SGCG: variants seen among roughly 807,000 people sequenced by gnomAD.
The protein encoded by SGCG is sarcoglycan gamma.
Under a neutral mutation model 29.3 loss-of-function variants are expected in SGCG, and 26 were observed. That is an observed-to-expected ratio of 0.89 (90% CI 0.65 to 1.23). SGCG has a LOEUF of 1.23. Among genes scored for constraint, SGCG ranks in the 50% most tolerant of loss-of-function variants. The pLI is 0.00. For synonymous variants in SGCG, 145 were observed against 129.7 expected, an observed-to-expected ratio of 1.12 and a Z score of -0.80; for missense variants, 353 against 356.0, an observed-to-expected ratio of 0.99 and a Z score of 0.07.
At chr13:23,241,319 C>A (rs1014197404) in intron 3 of SGCG, among the ~76,000 whole-genome samples, 21 of 148,904 alleles carry the variant, frequency 1.4e-4, no homozygotes, top group Middle Eastern at 3.4e-3. Flanking sequence ...AAAACATCAT[C>A]ATTAGAGGCT....
At chr13:23,286,199 G>A (rs2137628924) in intron 5 of SGCG, among the ~76,000 whole-genome samples, 1 of 152,266 alleles carries the variant, frequency 6.6e-6, no homozygotes. Context: ...AAGATCTGTA[G>A]CCACTGGTCT....
chr13:23,324,152 C>T (rs1244854324), intron 7 of SGCG, among the ~76,000 whole-genome samples: 2 of 152,178 alleles, frequency 1.3e-5, no homozygotes, highest in Non-Finnish European at 2.9e-5. Context: ...CGCCTCCCTC[C>T]AATGTGGAAG....
At chr13:23,266,105 A>G (rs1880629212) in intron 4 of SGCG, among the ~76,000 whole-genome samples, 1 of 151,924 alleles carries the variant, frequency 6.6e-6, no homozygotes, top group Non-Finnish European at 1.5e-5. Context: ...TTGAAACCCC[A>G]TCTCTACCAA....
intron 2 of SGCG, among the ~76,000 whole-genome samples, chr13:23,229,024 C>G (rs983289946): frequency 6.6e-6 from 1 of 152,180 alleles, no homozygotes; most frequent in Non-Finnish European, 1.5e-5. Context: ...CATGCGCCAC[C>G]ACACCCAACT....
At chr13:23,264,545 A>T (rs1179674916) in intron 4 of SGCG, among the ~76,000 whole-genome samples, 1 of 152,212 alleles carries the variant, frequency 6.6e-6, no homozygotes, top group Non-Finnish European at 1.5e-5. Context: ...TTAAAATACC[A>T]GCATCATTCT....
chr13:23,242,113 C>T (rs1239698187), intron 3 of SGCG, among the ~76,000 whole-genome samples: 1 of 152,136 alleles, frequency 6.6e-6, no homozygotes, highest in African/African-American at 2.4e-5. Flanking sequence ...ATCCCACAGA[C>T]ATTCAAAGAA....
intron 3 of SGCG, chr13:23,245,905 C>G (rs996166694): frequency 6.6e-6 from 1 of 152,324 alleles, no homozygotes; most frequent in African/African-American, 2.4e-5. Flanking sequence ...GCCATTCTCA[C>G]TGTGTCTTCC....
rs184923774 is a variant in SGCG at position 23,249,257 on chromosome 13, A to C, written c.298-1373A>C. The stretch of plus-strand genomic sequence containing the variant: ...ATCAGAGTTGTGAAGGTAGCCAGTA[A>C]TCTAGAAATTCAGTTTACTCTTAGT... On this transcript the variant is annotated intron_variant, in intron 3 of 7. Transcript: ENST00000218867. 1.9e-3 allele frequency among the ~76,000 whole-genome samples: 295 copies of C among 152,272 alleles called. 1 individual carries two copies. Among genetic ancestry groups the C allele is most frequent in the African/African-American group, 6.9e-3 (285 of 41,548 alleles).
At position 23,324,892 on chromosome 13, in the gene SGCG, C is replaced by T. The variant is rs946810360; in HGVS notation, c.*351C>T. 13 of 363,732 alleles carry T rather than the reference C, an allele frequency of 3.6e-5. No homozygotes were observed. The highest frequency in any genetic ancestry group is 7.5e-5 in the Admixed American group (2 of 26,664). 22.5% of individuals were successfully genotyped at this position (363,732 alleles called of 1,614,324 possible). A position where few individuals can be genotyped will look rare whatever the true frequency, so the allele number is the denominator to read the frequency against. ...TGCCGTGTGGAGTTAATGTATGACG[C>T]TCCACTGTGGATATCTAATGCCCTG... On this transcript the variant is annotated 3_prime_UTR_variant, in exon 8 of 8. Transcript: ENST00000218867.
chr13:23,175,307 AAAG>A, the SGCG span, among the ~76,000 whole-genome samples: 5 of 152,174 alleles, frequency 3.3e-5, no homozygotes, highest in Non-Finnish European at 7.3e-5. Flanking sequence ...GTAGTGGGGA[AAAG>A]AAGAGATTTT....
At chr13:23,266,826 C>T (rs1161427175) in intron 4 of SGCG, among the ~76,000 whole-genome samples, 1 of 152,144 alleles carries the variant, frequency 6.6e-6, no homozygotes, top group African/African-American at 2.4e-5. Flanking sequence ...TTCCTGAGGC[C>T]GTCACCAGAA....
intron 6 of SGCG, among the ~76,000 whole-genome samples, chr13:23,297,191 C>A (rs567886110): frequency 6.6e-6 from 1 of 151,392 alleles, no homozygotes; most frequent in South Asian, 2.1e-4. Flanking sequence ...ATGTTAAAAG[C>A]ATTTTGTAAA....
At chr13:23,199,062 C>T (rs1205008311) in intron 1 of SGCG, among the ~76,000 whole-genome samples, 3 of 144,104 alleles carry the variant, frequency 2.1e-5, no homozygotes, top group East Asian at 4.1e-4. Flanking sequence ...GAGCCGAGAT[C>T]GTGCCACTGC....
intron 2 of SGCG, among the ~76,000 whole-genome samples, chr13:23,209,187 G>A (rs1054752257): frequency 3.9e-5 from 6 of 152,020 alleles, no homozygotes; most frequent in South Asian, 2.1e-4. Flanking sequence ...AAAATACTTC[G>A]TTGATAAGTA....
rs552921492 is a variant in SGCG, at chr13:23,251,465, A to G, written c.385+748A>G. Among the ~76,000 whole-genome samples, 17 of 152,280 alleles carry G rather than the reference A, an allele frequency of 1.1e-4. No homozygotes were observed. In the South Asian group the frequency reaches 3.5e-3, roughly 32 times the overall value. Reference sequence around the variant, plus strand: ...AAGAAGAAATACAGATGAAAGCAATATCAGAAGAGCAAACCAGCTGGTAAG... The same window carrying G: ...AAGAAGAAATACAGATGAAAGCAATGTCAGAAGAGCAAACCAGCTGGTAAG... On this transcript the variant is annotated intron_variant, in intron 4 of 7. Transcript: ENST00000218867.
chr13:23,278,811 TA>T (rs745351725), intron 4 of SGCG, among the ~76,000 whole-genome samples: 1 of 152,210 alleles, frequency 6.6e-6, no homozygotes, highest in Non-Finnish European at 1.5e-5. Flanking sequence ...AAAAATGTCT[TA>T]GGGGAAGGGC....
At chr13:23,224,345 C>T (rs1388087894) in intron 2 of SGCG, among the ~76,000 whole-genome samples, 3 of 152,208 alleles carry the variant, frequency 2.0e-5, no homozygotes, top group Admixed American at 6.5e-5. Flanking sequence ...GTATACACAT[C>T]TACTACAGTT....
At chr13:23,234,045 C>T (rs1879210440) in intron 2 of SGCG, among the ~76,000 whole-genome samples, 1 of 152,208 alleles carries the variant, frequency 6.6e-6, no homozygotes, top group African/African-American at 2.4e-5. Flanking sequence ...TCATGTCTTC[C>T]ATCCAATCTG....
chr13:23,271,064 T>G (rs140025984), intron 4 of SGCG, among the ~76,000 whole-genome samples: 1,866 of 151,974 alleles, frequency 0.012, 74 homozygotes, highest in Admixed American at 0.087. Flanking sequence ...ATACAAAAAT[T>G]AGCCAGGCGT....
Sources: gnomAD v4.1 joint callset for allele counts (sites outside exome capture counted in the v4.1 genomes callset) on GRCh38, gnomAD v4.1.1 for gene constraint, MANE v1.5 for transcripts, NCBI Gene and HGNC (gene_info 2026-07-23, HGNC 2026-07-21) for gene names.